LMAN1: variants seen among roughly 807,000 people sequenced by gnomAD.
LMAN1 encodes lectin, mannose binding 1.
A neutral mutation model predicts 67.8 loss-of-function variants in LMAN1; 32 were observed. The observed-to-expected ratio is 0.47, with a 90% CI of 0.36 to 0.63. LMAN1 has a LOEUF of 0.63. LMAN1 is among the 30% of genes least tolerant of loss of function. LMAN1 has a pLI of 0.00. For missense variants in LMAN1, 632 were observed against 628.2 expected, an observed-to-expected ratio of 1.01 and a Z score of -0.06; for synonymous variants, 235 against 219.3, an observed-to-expected ratio of 1.07 and a Z score of -0.63.
chr18:59,346,145 A>G, intron 7 of LMAN1, 94 bp from the exon 8 acceptor site: 1 of 1,022,470 alleles, frequency 9.8e-7, no homozygotes, highest in Non-Finnish European at 1.4e-6. Flanking sequence ...TAACTCTTCT[A>G]CCACTAGCGG....
At chr18:59,356,296 C>T (rs951589180) in intron 1 of LMAN1, among the ~76,000 whole-genome samples, 14 of 152,122 alleles carry the variant, frequency 9.2e-5, no homozygotes, top group Non-Finnish European at 1.6e-4. Flanking sequence ...ATCCCTAAAA[C>T]GGTGGTTTAC....
At chr18:59,350,630 G>A (rs979097419) in intron 5 of LMAN1, among the ~76,000 whole-genome samples, 2 of 152,060 alleles carry the variant, frequency 1.3e-5, no homozygotes, top group African/African-American at 4.8e-5. Context: ...GAGTAGCGGA[G>A]ACTACAGGCT....
In LMAN1 at chr18:59,329,631, G is replaced by A. The variant is rs547465903; in HGVS notation, c.*1462C>T. The A allele has an allele frequency of 6.6e-6, 1 of 152,036 alleles. No individual in the cohort carries two copies. Among genetic ancestry groups the A allele is most frequent in the African/African-American group, 2.4e-5 (1 of 41,430 alleles). 9.4% of individuals were successfully genotyped at this position (152,036 alleles called of 1,614,324 possible). A position where few individuals can be genotyped will look rare whatever the true frequency, so the allele number is the denominator to read the frequency against. ...GATAAATATCAACATAAAAAGCAAC[G>A]CCAGACTGTTTGCACACACAGCACT... On this transcript the variant is annotated 3_prime_UTR_variant, in exon 13 of 13. Transcript: ENST00000251047.
Position 59,338,821 on chromosome 18 carries a change from A to T in LMAN1, c.1088T>A (p.Val363Asp), listed in dbSNP as rs181218003. The T allele has an allele frequency of 2.5e-6, 4 of 1,614,064 alleles. No individual in the cohort carries two copies. The Admixed American group carries it at 6.7e-5, about 27-fold the overall frequency. ...AGAGATTTCCTCTGTTAAGGAAGAGACATATCTTCTCTGTTCATCAAGAAT... is the reference window on the plus strand; with the variant it reads ...AGAGATTTCCTCTGTTAAGGAAGAGTCATATCTTCTCTGTTCATCAAGAAT... Reference protein sequence around the residue: ...DMILDEQRRYVSSLTEEISKR... With the variant: ...DMILDEQRRYDSSLTEEISKR... The change falls in exon 9 of 13, where the codon GTC becomes GAC. Residue 363 changes from valine (V) to aspartate (D), a missense_variant. Val to Asp is a radical substitution (Grantham distance 152). Transcript: ENST00000251047.
At position 59,330,554 on chromosome 18, in the gene LMAN1, A is replaced by AT. The variant is rs1484283413; in HGVS notation, c.*538dup. 1 of 152,760 alleles carries AT rather than the reference A, an allele frequency of 6.5e-6. No individual in the cohort carries two copies. Among genetic ancestry groups the AT allele is most frequent in the African/African-American group, 2.4e-5 (1 of 41,462 alleles). 9.5% of individuals were successfully genotyped at this position (152,760 alleles called of 1,614,324 possible). On this transcript the variant is annotated 3_prime_UTR_variant, in exon 13 of 13. Coordinates refer to ENST00000251047, the MANE Select transcript of LMAN1 (RefSeq NM_005570.4). ...AATTTCACTTAACATTTTGAAGTCT[A>AT]TTACCAGATCCTTAAAGCTCTCAGA...
intron 11 of LMAN1, among the ~76,000 whole-genome samples, chr18:59,332,012 A>T (rs571231878): frequency 1.3e-5 from 2 of 152,106 alleles, no homozygotes; most frequent in Non-Finnish European, 2.9e-5. Flanking sequence ...CTACAATCTC[A>T]TATCATTCAA....
intron 5 of LMAN1, among the ~76,000 whole-genome samples, chr18:59,350,118 G>T (rs1908508384): frequency 6.6e-6 from 1 of 152,070 alleles, no homozygotes; most frequent in Non-Finnish European, 1.5e-5. Flanking sequence ...CAAATTTTCA[G>T]CAAGAGAATA....
intron 8 of LMAN1, among the ~76,000 whole-genome samples, chr18:59,344,206 T>C (rs1050484790): frequency 6.6e-6 from 1 of 152,174 alleles, no homozygotes; most frequent in Non-Finnish European, 1.5e-5. Flanking sequence ...TGTAAATTAG[T>C]ACAACCTTCA....
At chr18:59,358,262 A>C (rs1378155452) in intron 1 of LMAN1, among the ~76,000 whole-genome samples, 1 of 152,248 alleles carries the variant, frequency 6.6e-6, no homozygotes, top group African/African-American at 2.4e-5. Flanking sequence ...GATTATTTCA[A>C]TGCTTCCAAT....
chr18:59,340,085 C>T (rs2144216614), intron 8 of LMAN1, among the ~76,000 whole-genome samples: 2 of 152,280 alleles, frequency 1.3e-5, no homozygotes, highest in South Asian at 4.1e-4. Flanking sequence ...TGACACCTGA[C>T]TAGGAAGGGC....
intron 10 of LMAN1, among the ~76,000 whole-genome samples, chr18:59,336,621 C>T (rs1030277750): frequency 1.3e-5 from 2 of 152,148 alleles, no homozygotes; most frequent in Admixed American, 6.5e-5. Context: ...TGGTGGCTCA[C>T]GCCTGTAATC....
intron 1 of LMAN1, among the ~76,000 whole-genome samples, chr18:59,358,784 G>A (rs770136020): frequency 6.6e-6 from 1 of 152,156 alleles, no homozygotes; most frequent in African/African-American, 2.4e-5. Context: ...GATCAAAGAA[G>A]GGAAGACAGC....
chr18:59,338,012 G>C (rs1908198368), intron 10 of LMAN1, among the ~76,000 whole-genome samples: 1 of 152,168 alleles, frequency 6.6e-6, no homozygotes, highest in Non-Finnish European at 1.5e-5. Context: ...ATTCTCATTA[G>C]AAATTTATTG....
At chr18:59,336,949 A>G (rs1050401328) in intron 10 of LMAN1, among the ~76,000 whole-genome samples, 3 of 151,812 alleles carry the variant, frequency 2.0e-5, no homozygotes, top group Non-Finnish European at 4.4e-5. Context: ...GGCAAAAACC[A>G]CTTTCTTGTT....
At chr18:59,356,021 A>C (rs1014736007) in intron 1 of LMAN1, among the ~76,000 whole-genome samples, 2 of 152,200 alleles carry the variant, frequency 1.3e-5, no homozygotes, top group Non-Finnish European at 2.9e-5. Context: ...TAGAAAGCTC[A>C]AACAGTGTGA....
chr18:59,343,506 A>G (rs1384142684), intron 8 of LMAN1, among the ~76,000 whole-genome samples: 1 of 152,140 alleles, frequency 6.6e-6, no homozygotes, highest in Non-Finnish European at 1.5e-5. Context: ...ACATACCTAC[A>G]ATCAACTGAT....
At chr18:59,343,286 T>C (rs531472783) in intron 8 of LMAN1, among the ~76,000 whole-genome samples, 3 of 151,216 alleles carry the variant, frequency 2.0e-5, no homozygotes, top group East Asian at 4.0e-4. Context: ...TTTCACAGAA[T>C]TAGAAAAAAA....
chr18:59,354,893 C>T (rs545338205), intron 3 of LMAN1, among the ~76,000 whole-genome samples: 19 of 152,110 alleles, frequency 1.2e-4, no homozygotes, highest in South Asian at 1.2e-3. Flanking sequence ...AAAATTGGCC[C>T]GATCAAAAAG....
chr18:59,340,186 G>A lies in LMAN1; in HGVS notation c.956-1233C>T, dbSNP rs557377624. Among the ~76,000 whole-genome samples the A allele has an allele frequency of 2.0e-5, 3 of 152,250 alleles. No individual in the cohort carries two copies. The South Asian group carries it at 6.2e-4, about 32-fold the overall frequency. On this transcript the variant is annotated intron_variant, in intron 8 of 12. Transcript: ENST00000251047. ...CCTTAGTCCGAGTTCAAGTTCATATGGCTGCAGTTGTTGTCTGGCTAAGGA... is the reference window on the plus strand; with the variant it reads ...CCTTAGTCCGAGTTCAAGTTCATATAGCTGCAGTTGTTGTCTGGCTAAGGA...
Sources: allele counts gnomAD v4.1 joint callset (sites outside exome capture counted in the v4.1 genomes callset), GRCh38; gene constraint gnomAD v4.1.1; transcripts MANE v1.5; gene names NCBI Gene and HGNC (gene_info 2026-07-23, HGNC 2026-07-21).